ARSG: variants seen among roughly 807,000 people sequenced by gnomAD.
ARSG encodes the protein ASG.
A neutral mutation model predicts 50.5 loss-of-function variants in ARSG; 37 were observed. That is an observed-to-expected ratio of 0.73 (90% CI 0.56 to 0.96). ARSG has a LOEUF of 0.96. Among genes scored for constraint, ARSG ranks in the 50% least tolerant of loss-of-function variants. The pLI is 0.00. For missense variants in ARSG, 629 were observed against 675.3 expected, an observed-to-expected ratio of 0.93 and a Z score of 0.76; for synonymous variants, 225 against 254.6, an observed-to-expected ratio of 0.88 and a Z score of 1.11.
the ARSG span, among the ~76,000 whole-genome samples, chr17:68,434,980 T>C: frequency 6.6e-6 from 1 of 152,044 alleles, no homozygotes; most frequent in African/African-American, 2.4e-5. Flanking sequence ...GGCGGGTGGA[T>C]TGCCTGAGCT....
chr17:68,301,905 G>T (rs529130134), intron 1 of ARSG, among the ~76,000 whole-genome samples: 2 of 151,826 alleles, frequency 1.3e-5, no homozygotes, highest in South Asian at 4.2e-4. Context: ...GTGTTTTCTC[G>T]ATGAGATTGT....
chr17:68,445,891 A>G, the ARSG span, among the ~76,000 whole-genome samples: 29 of 152,214 alleles, frequency 1.9e-4, 2 homozygotes. Flanking sequence ...GAGCTGCCCA[A>G]GGAGCAAGCC....
At chr17:68,439,707 G>A in the ARSG span, among the ~76,000 whole-genome samples, 1 of 152,198 alleles carries the variant, frequency 6.6e-6, no homozygotes, top group Non-Finnish European at 1.5e-5. Flanking sequence ...ATAGGCTGAG[G>A]ACATGAGTTC....
chr17:68,276,438 G>C lies in ARSG; in HGVS notation c.-552+17012G>C, dbSNP rs548874182. On this transcript the variant is annotated intron_variant, in intron 1 of 11. Coordinates refer to the ARSG transcript ENST00000448504. ...CTTAGGGAAGTTTAAGGTCAGCCTG[G>C]TTAACTTTCTTTATTTTTTTTATTT... Among the ~76,000 whole-genome samples, 8 of 152,064 alleles carry C rather than the reference G, an allele frequency of 5.3e-5. No homozygotes were observed. In the East Asian group the frequency reaches 1.6e-3, roughly 29 times the overall value.
At chr17:68,275,284 GC>G (rs2075477359) in intron 1 of ARSG, among the ~76,000 whole-genome samples, 1 of 151,940 alleles carries the variant, frequency 6.6e-6, no homozygotes, top group Admixed American at 6.5e-5. Flanking sequence ...ACGTAAGTGA[GC>G]CATTGAGAGT....
intron 5 of ARSG, among the ~76,000 whole-genome samples, chr17:68,355,163 C>T (rs184683090): frequency 6.4e-4 from 98 of 152,292 alleles, no homozygotes; most frequent in African/African-American, 1.9e-3. Flanking sequence ...AATGCACTAA[C>T]CATTTGTTAT....
intron 1 of ARSG, among the ~76,000 whole-genome samples, chr17:68,296,891 T>C (rs2076227363): frequency 6.6e-6 from 1 of 152,216 alleles, no homozygotes; most frequent in Non-Finnish European, 1.5e-5. Context: ...GAATGTCTTC[T>C]AAGAAAGAAC....
At chr17:68,429,950 T>A in the ARSG span, 1 of 1,609,382 alleles carries the variant, frequency 6.2e-7, no homozygotes, top group Non-Finnish European at 8.5e-7. Flanking sequence ...GAAAAATACA[T>A]TGACGAAAGT....
chr17:68,331,344 A>C (rs893539633), intron 2 of ARSG, among the ~76,000 whole-genome samples: 2 of 151,736 alleles, frequency 1.3e-5, no homozygotes, highest in African/African-American at 2.4e-5. Flanking sequence ...TCCTGGGTTC[A>C]TGCCATTCTC....
chr17:68,317,427 A>G (rs1555768909), intron 2 of ARSG, among the ~76,000 whole-genome samples: 1 of 151,986 alleles, frequency 6.6e-6, no homozygotes, highest in Non-Finnish European at 1.5e-5. Flanking sequence ...TTGCTAGCTC[A>G]AAGATTGACT....
chr17:68,303,046 G>C (rs1348415371), intron 1 of ARSG, among the ~76,000 whole-genome samples: 4 of 152,226 alleles, frequency 2.6e-5, no homozygotes, highest in Admixed American at 2.6e-4. Context: ...TCTGAGGGTA[G>C]CAAGTAAGGC....
At chr17:68,310,952 G>A (rs2145660939) in intron 2 of ARSG, among the ~76,000 whole-genome samples, 1 of 152,308 alleles carries the variant, frequency 6.6e-6, no homozygotes, top group Non-Finnish European at 1.5e-5. Context: ...TGTAATTCCA[G>A]CACTTTAGGA....
At chr17:68,382,161 G>T (rs765080787) in intron 8 of ARSG, among the ~76,000 whole-genome samples, 40 of 152,166 alleles carry the variant, frequency 2.6e-4, no homozygotes, top group South Asian at 6.2e-4. Context: ...ATGTTAGGCT[G>T]GTCTCGAACT....
intron 2 of ARSG, among the ~76,000 whole-genome samples, chr17:68,326,279 G>A (rs1298405426): frequency 3.3e-5 from 5 of 152,244 alleles, no homozygotes; most frequent in Non-Finnish European, 7.3e-5. Context: ...CAGCTGACCA[G>A]GAGGGGCCAG....
intron 11 of ARSG, among the ~76,000 whole-genome samples, chr17:68,407,606 T>C (rs2081788197): frequency 6.6e-6 from 1 of 152,082 alleles, no homozygotes; most frequent in East Asian, 1.9e-4. Context: ...AAGTTTTTTT[T>C]TTTTTCAGCT....
rs1038440325 is a variant in ARSG, at chr17:68,378,367, C to A, written c.983-6697C>A. On this transcript the variant is annotated intron_variant, in intron 8 of 11. Coordinates refer to ENST00000621439, the MANE Select transcript of ARSG (RefSeq NM_001267727.2). The surrounding 1 kb of genome is among the most constrained non-coding windows in gnomAD (Gnocchi z 4.4). ...TTCCCCTGTTCTCAGGGCCCCCAGG[C>A]CCCCCTGCTTGTCTTCCCTTTCCTT... Among the ~76,000 whole-genome samples the A allele has an allele frequency of 1.3e-5, 2 of 152,238 alleles. No individual in the cohort carries two copies. The highest frequency in any genetic ancestry group is 2.1e-4 in the South Asian group (1 of 4,836).
chr17:68,348,874 T>C (rs957296902), intron 4 of ARSG, among the ~76,000 whole-genome samples: 1 of 152,176 alleles, frequency 6.6e-6, no homozygotes. Flanking sequence ...GTTCCTCAGG[T>C]CAGGGCTCCT....
chr17:68,426,254 G>GGGGGGGGGCCCCCCCC, downstream of ARSG: 1 of 816,916 alleles, frequency 1.2e-6, no homozygotes, highest in East Asian at 3.5e-5. Flanking sequence ...GGGAGCGGGG[G>GGGGGGGGGCCCCCCCC]CTCAAATAAA....
chr17:68,370,820 T>C (rs560878353), intron 8 of ARSG, among the ~76,000 whole-genome samples: 6 of 152,316 alleles, frequency 3.9e-5, no homozygotes, highest in Non-Finnish European at 8.8e-5. Context: ...TTCCAACAAA[T>C]GAGCTTTGTC....
Sources: gnomAD v4.1 joint callset for allele counts (sites outside exome capture counted in the v4.1 genomes callset) on GRCh38, gnomAD v4.1.1 for gene constraint, Gnocchi (gnomAD v3.1) non-coding constraint, MANE v1.5 for transcripts, NCBI Gene and HGNC (gene_info 2026-07-23, HGNC 2026-07-21) for gene names.